Variants in CA10 observed in about 807,000 individuals in gnomAD.
CA10 encodes the protein carbonic anhydrase 10 (inactive).
In CA10, 14 loss-of-function variants were observed where a neutral mutation model predicts 44.2. That is an observed-to-expected ratio of 0.32 (90% confidence interval 0.21 to 0.50). The LOEUF is 0.50. Among genes scored for constraint, CA10 ranks in the 20% least tolerant of loss-of-function variants. The pLI is 0.99. For missense variants in CA10, 350 were observed against 409.7 expected, an observed-to-expected ratio of 0.85 and a Z score of 1.26; for synonymous variants, 159 against 141.6, an observed-to-expected ratio of 1.12 and a Z score of -0.87.
intron 2 of CA10, among the ~76,000 whole-genome samples, chr17:51,978,834 C>A (rs1166593831): frequency 6.6e-6 from 1 of 152,052 alleles, no homozygotes; most frequent in Non-Finnish European, 1.5e-5. Flanking sequence ...GGGTACTCAT[C>A]CCTAACATGT....
chr17:51,910,571 T>G (rs1981751168), intron 3 of CA10, among the ~76,000 whole-genome samples: 1 of 152,176 alleles, frequency 6.6e-6, no homozygotes, highest in South Asian at 2.1e-4. Flanking sequence ...TCTAGAGTAA[T>G]TCACCAGTTT....
Position 51,677,454 on chromosome 17 carries a change from C to G in CA10, c.466-23718G>C, listed in dbSNP as rs1330261287. On this transcript the variant is annotated intron_variant, in intron 4 of 8. Transcript: ENST00000451037. ...TGCCATCATTGTAAGTTTCCTGAGG[C>G]CCCCCCAGAAGCAGATGCTGCCATG... 2.0e-5 allele frequency among the ~76,000 whole-genome samples: 3 copies of G among 152,094 alleles called. No homozygotes were observed. The East Asian group carries it at 5.8e-4, about 29-fold the overall frequency.
chr17:51,695,143 T>C (rs541377463), intron 4 of CA10, among the ~76,000 whole-genome samples: 1 of 152,310 alleles, frequency 6.6e-6, no homozygotes, highest in Non-Finnish European at 1.5e-5. Context: ...ACTCATGTTC[T>C]TTTTTGGTTC....
At chr17:52,146,804 C>T (rs1300464881) in intron 1 of CA10, among the ~76,000 whole-genome samples, 1 of 152,150 alleles carries the variant, frequency 6.6e-6, no homozygotes, top group Non-Finnish European at 1.5e-5. Context: ...TGGTCTTCCT[C>T]TACACTTTTT....
chr17:51,836,300 T>G (rs930597154), intron 3 of CA10, among the ~76,000 whole-genome samples: 13 of 152,216 alleles, frequency 8.5e-5, no homozygotes, highest in African/African-American at 3.1e-4. Context: ...TAAGAAAAAC[T>G]GTCATTACTC....
chr17:51,760,593 G>A (rs994509593), intron 3 of CA10, among the ~76,000 whole-genome samples: 1 of 152,150 alleles, frequency 6.6e-6, no homozygotes, highest in Non-Finnish European at 1.5e-5. Context: ...GATGGGATGC[G>A]AGACTTACTT....
At chr17:51,691,947 T>C (rs1915210099) in intron 4 of CA10, among the ~76,000 whole-genome samples, 1 of 152,230 alleles carries the variant, frequency 6.6e-6, no homozygotes, top group South Asian at 2.1e-4. Flanking sequence ...AACATGGCTC[T>C]TAAAACTTGA....
chr17:51,940,272 T>C (rs937522097), intron 2 of CA10, among the ~76,000 whole-genome samples: 3 of 152,130 alleles, frequency 2.0e-5, no homozygotes, highest in Admixed American at 1.3e-4. Flanking sequence ...GTAAGTGTCA[T>C]ACTGTTTTGA....
rs780563548 is a variant in CA10 at position 52,072,305 on chromosome 17, T to G, written c.136+14A>C. On this transcript the variant is annotated intron_variant, in intron 2 of 8. Coordinates refer to ENST00000451037, the MANE Select transcript of CA10 (RefSeq NM_020178.5). ...GTTTTTAATAAATAAATTAAAGAATTAATGTGTACTTACCTGGAACAAAGC... is the reference window on the plus strand; with the variant it reads ...GTTTTTAATAAATAAATTAAAGAATGAATGTGTACTTACCTGGAACAAAGC... 1 of 1,540,512 alleles carries G rather than the reference T, an allele frequency of 6.5e-7. No individual in the cohort carries two copies. Among genetic ancestry groups the G allele is most frequent in the Non-Finnish European group, 8.9e-7 (1 of 1,118,272 alleles).
chr17:51,859,667 G>A (rs1358741933), intron 3 of CA10, among the ~76,000 whole-genome samples: 1 of 152,092 alleles, frequency 6.6e-6, no homozygotes, highest in African/African-American at 2.4e-5. Context: ...TATGAACTCT[G>A]AGCCTCTGTT....
chr17:51,671,695 C>T (rs564596270), intron 4 of CA10, among the ~76,000 whole-genome samples: 10 of 152,206 alleles, frequency 6.6e-5, no homozygotes, highest in Non-Finnish European at 1.3e-4. Flanking sequence ...TGAGCCACCA[C>T]GCCCGGCCAC....
At chr17:51,702,373 T>C (rs1263329252) in intron 4 of CA10, among the ~76,000 whole-genome samples, 1 of 152,148 alleles carries the variant, frequency 6.6e-6, no homozygotes, top group Non-Finnish European at 1.5e-5. Flanking sequence ...CTTGAACTAC[T>C]GGGCCTCTGC....
intron 2 of CA10, among the ~76,000 whole-genome samples, chr17:52,054,038 T>C (rs1016302749): frequency 3.9e-5 from 6 of 152,030 alleles, no homozygotes; most frequent in Non-Finnish European, 5.9e-5. Flanking sequence ...ATATGAAATC[T>C]GGGCACCTCG....
At chr17:51,735,818 TA>T (rs1169463999) in intron 4 of CA10, among the ~76,000 whole-genome samples, 1 of 111,820 alleles carries the variant, frequency 8.9e-6, no homozygotes, top group Non-Finnish European at 1.9e-5. Context: ...CTGTATAACT[TA>T]AAAAACAAAG....
intron 3 of CA10, among the ~76,000 whole-genome samples, chr17:51,799,713 TATATTA>T (rs1906852684): frequency 6.6e-6 from 1 of 152,222 alleles, no homozygotes; most frequent in Non-Finnish European, 1.5e-5. Flanking sequence ...AAAAACTGAG[TATATTA>T]TCCAAAGAAG....
At chr17:51,970,824 G>T (rs1009974010) in intron 2 of CA10, among the ~76,000 whole-genome samples, 1 of 151,748 alleles carries the variant, frequency 6.6e-6, no homozygotes, top group Non-Finnish European at 1.5e-5. Flanking sequence ...CATTTATATT[G>T]TCAGGTAAAA....
At chr17:51,730,759 A>G (rs1916684027) in intron 4 of CA10, among the ~76,000 whole-genome samples, 1 of 152,230 alleles carries the variant, frequency 6.6e-6, no homozygotes, top group African/African-American at 2.4e-5. Flanking sequence ...CAAGAAAGCT[A>G]TGTGTTTCTA....
At chr17:52,003,557 A>G (rs1447991778) in intron 2 of CA10, among the ~76,000 whole-genome samples, 1 of 151,974 alleles carries the variant, frequency 6.6e-6, no homozygotes, top group African/African-American at 2.4e-5. Context: ...TACCTTTTTA[A>G]TAATTTTTAG....
At chr17:51,960,323 G>A (rs1983840662) in intron 2 of CA10, among the ~76,000 whole-genome samples, 1 of 152,036 alleles carries the variant, frequency 6.6e-6, no homozygotes, top group African/African-American at 2.4e-5. Flanking sequence ...AGAGGGGGCA[G>A]GTAAGAGATT....
Sources: gnomAD v4.1 joint callset for allele counts (sites outside exome capture counted in the v4.1 genomes callset) on GRCh38, gnomAD v4.1.1 for gene constraint, MANE v1.5 for transcripts, NCBI Gene and HGNC (gene_info 2026-07-23, HGNC 2026-07-21) for gene names.